Variants in FOXO3 observed in about 807,000 individuals in gnomAD.
The protein encoded by FOXO3 is forkhead box protein O3.
Under a neutral mutation model 41.9 loss-of-function variants are expected in FOXO3, and 4 were observed. The ratio of observed to expected loss-of-function variants is 0.10; its 90% CI spans 0.05 to 0.22. The LOEUF is 0.22. Ranked by LOEUF, FOXO3 falls within the 10% of genes least tolerant of loss-of-function variation. The pLI is 1.00. For missense variants in FOXO3, 534 were observed against 906.8 expected (o/e 0.59, Z 5.28); for synonymous variants, 318 against 389.3 (o/e 0.82, Z 2.16).
intron 1 of FOXO3, among the ~76,000 whole-genome samples, chr6:108,587,964 C>G (rs1776630313): frequency 6.6e-6 from 1 of 152,214 alleles, no homozygotes; most frequent in South Asian, 2.1e-4. Flanking sequence ...CCCTCCTCCT[C>G]TAGCTTCTTG....
chr6:108,639,958 A>C (rs1419443213), intron 1 of FOXO3, among the ~76,000 whole-genome samples: 3 of 152,196 alleles, frequency 2.0e-5, no homozygotes, highest in Non-Finnish European at 4.4e-5. Context: ...GAGGGGCAGA[A>C]TCTAACAGAA....
rs148128891 is a variant in FOXO3, at chr6:108,611,731, TTTAG to T, written c.621+49907_621+49910del. Among the ~76,000 whole-genome samples the T allele has an allele frequency of 6.4e-3, 973 of 152,028 alleles. 14 individuals are homozygous for T. The highest frequency in any genetic ancestry group is 0.023 in the African/African-American group (935 of 41,440). ...TTTTTAAAGGATTGTATTCACACCA[TTTAG>T]TTAGGAATTTCTTATGTATTCTGAA... On this transcript the variant is annotated intron_variant, in intron 1 of 2. Coordinates refer to ENST00000406360, the MANE Select transcript of FOXO3 (RefSeq NM_001455.4).
intron 1 of FOXO3, among the ~76,000 whole-genome samples, chr6:108,607,102 A>G (rs569314333): frequency 2.8e-4 from 42 of 152,330 alleles, no homozygotes; most frequent in African/African-American, 7.9e-4. Context: ...TTCATACCTG[A>G]AAGGTCGTAC....
At chr6:108,609,483 T>G (rs565836314) in intron 1 of FOXO3, among the ~76,000 whole-genome samples, 4 of 152,320 alleles carry the variant, frequency 2.6e-5, no homozygotes, top group African/African-American at 9.6e-5. Context: ...CTTGATCTCT[T>G]TAGCTTTAAA....
intron 1 of FOXO3, among the ~76,000 whole-genome samples, chr6:108,652,963 C>T (rs1778586221): frequency 6.6e-6 from 1 of 152,220 alleles, no homozygotes; most frequent in Non-Finnish European, 1.5e-5. Flanking sequence ...CCTTGCTCCA[C>T]CGAGTAGCAC....
chr6:108,560,357 C>A (rs920734373), upstream of FOXO3, among the ~76,000 whole-genome samples: 1 of 152,206 alleles, frequency 6.6e-6, no homozygotes, highest in Non-Finnish European at 1.5e-5. Flanking sequence ...GCAAACCACA[C>A]AAAACCCCGA....
At chr6:108,638,753 G>A (rs1778179919) in intron 1 of FOXO3, among the ~76,000 whole-genome samples, 1 of 152,156 alleles carries the variant, frequency 6.6e-6, no homozygotes, top group African/African-American at 2.4e-5. Context: ...GTATTGTGTA[G>A]TTAGGACAAG....
chr6:108,594,879 C>T (rs1776834106), intron 1 of FOXO3, among the ~76,000 whole-genome samples: 2 of 152,198 alleles, frequency 1.3e-5, no homozygotes, highest in African/African-American at 4.8e-5. Context: ...ATGGGCTACA[C>T]CTAAGCAAAG....
chr6:108,674,142 C>T (rs1770474411), intron 2 of FOXO3, among the ~76,000 whole-genome samples: 1 of 152,164 alleles, frequency 6.6e-6, no homozygotes. Flanking sequence ...ACATAAAGTA[C>T]TGCAAATCCT....
intron 1 of FOXO3, among the ~76,000 whole-genome samples, chr6:108,637,953 G>A (rs1778161786): frequency 6.6e-6 from 1 of 151,948 alleles, no homozygotes; most frequent in Non-Finnish European, 1.5e-5. Context: ...AGTAGAACAG[G>A]AAAGAAAATT....
chr6:108,593,552 A>G (rs1776787793), intron 1 of FOXO3, among the ~76,000 whole-genome samples: 1 of 151,120 alleles, frequency 6.6e-6, no homozygotes. Flanking sequence ...TCATTTTTAT[A>G]TTTGTAGTAG....
intron 1 of FOXO3, among the ~76,000 whole-genome samples, chr6:108,567,133 G>A (rs558757317): frequency 1.3e-5 from 2 of 152,216 alleles, no homozygotes; most frequent in South Asian, 4.1e-4. Flanking sequence ...GCCTATTCCC[G>A]TTGCCTTTTT....
At position 108,561,715 on chromosome 6, in the gene FOXO3, C is replaced by T. The variant is rs550645016; in HGVS notation, c.507C>T (p.Ala169=). 6.0e-5 allele frequency: 97 copies of T among 1,612,030 alleles called. 1 individual carries two copies. The East Asian group carries it at 1.9e-3, about 32-fold the overall frequency. Residue 169 remains alanine (A), a synonymous_variant, in exon 1 of 3, where the codon GCC becomes GCT. Transcript: ENST00000406360. ...CCTACGCGGACCTGATCACCCGCGC[C>T]ATCGAGAGCTCCCCGGACAAACGGC... The part of the protein sequence containing the change: ...NLSYADLITR[A]IESSPDKRLT...
rs1325003296 is a variant in FOXO3, at chr6:108,663,725, C to T, written c.892C>T (p.Arg298Cys). 4.3e-6 allele frequency: 7 copies of T among 1,613,580 alleles called. No individual in the cohort carries two copies. Among genetic ancestry groups the T allele is most frequent in the African/African-American group, 1.3e-5 (1 of 74,930 alleles). The change falls in exon 2 of 3, where the codon CGC (arginine) becomes TGC (cysteine). Residue 298 changes from arginine (R) to cysteine (C), a missense_variant. Coordinates refer to ENST00000406360, the MANE Select transcript of FOXO3 (RefSeq NM_001455.4). ...LSKWPGSPTS[R>C]SSDELDAWTD... ...CAAGTGGCCTGGCAGCCCCACGTCA[C>T]GCAGCAGTGATGAGCTGGATGCGTG...
At chr6:108,620,154 T>A (rs1037097492) in intron 1 of FOXO3, among the ~76,000 whole-genome samples, 7 of 152,186 alleles carry the variant, frequency 4.6e-5, no homozygotes, top group Admixed American at 4.6e-4. Flanking sequence ...AGTTAATAAA[T>A]TCTTTTATTA....
At chr6:108,601,378 A>C (rs1447321858) in intron 1 of FOXO3, among the ~76,000 whole-genome samples, 1 of 152,042 alleles carries the variant, frequency 6.6e-6, no homozygotes, top group African/African-American at 2.4e-5. Context: ...ATCTCGGCTC[A>C]CTGCAGCCTC....
chr6:108,583,958 G>A (rs1362666615), intron 1 of FOXO3, among the ~76,000 whole-genome samples: 1 of 152,220 alleles, frequency 6.6e-6, no homozygotes, highest in Non-Finnish European at 1.5e-5. Context: ...AGCAGTATGG[G>A]TTGGTGGCAG....
At chr6:108,657,770 A>G (rs1015164608) in intron 1 of FOXO3, among the ~76,000 whole-genome samples, 1 of 152,242 alleles carries the variant, frequency 6.6e-6, no homozygotes, top group African/African-American at 2.4e-5. Context: ...TTGTATCACC[A>G]TTAATTTTTG....
chr6:108,576,389 G>A (rs1776262404), intron 1 of FOXO3, among the ~76,000 whole-genome samples: 1 of 152,172 alleles, frequency 6.6e-6, no homozygotes. Context: ...TTGGGAAGAG[G>A]CTTATTGGGA....
Sources: gnomAD v4.1 joint callset for allele counts (sites outside exome capture counted in the v4.1 genomes callset) on GRCh38, gnomAD v4.1.1 for gene constraint, MANE v1.5 for transcripts, NCBI Gene and HGNC (gene_info 2026-07-23, HGNC 2026-07-21) for gene names.